The following CTBP2 variants were observed in gnomAD, a reference collection of about 807,000 sequenced individuals.
CTBP2 encodes C-terminal-binding protein 2.
In CTBP2, 30 loss-of-function variants were observed where a neutral mutation model predicts 80.3. That is an observed-to-expected ratio of 0.37 (90% CI 0.28 to 0.51). CTBP2 has a LOEUF of 0.51. CTBP2 is among the 20% of genes least tolerant of loss of function. The pLI is 0.93. For synonymous variants in CTBP2, 594 were observed against 587.4 expected, an observed-to-expected ratio of 1.01 and a Z score of -0.16; for missense variants, 1,212 against 1,375.3, an observed-to-expected ratio of 0.88 and a Z score of 1.88.
intron 1 of CTBP2, among the ~76,000 whole-genome samples, chr10:125,125,618 G>A (rs941385153): frequency 2.0e-5 from 3 of 152,342 alleles, no homozygotes; most frequent in East Asian, 3.9e-4. Flanking sequence ...TCATATGCAT[G>A]TCACATACTC....
chr10:125,007,929 G>C (rs1030048732), intron 1 of CTBP2, among the ~76,000 whole-genome samples: 4 of 151,876 alleles, frequency 2.6e-5, no homozygotes, highest in Non-Finnish European at 5.9e-5. Context: ...TTCTGACATA[G>C]GAGGCAAAGG....
rs763059179 is a variant in CTBP2, at chr10:125,027,235, C to T, written c.525G>A (p.Gln175=). 6.8e-6 allele frequency: 11 copies of T among 1,606,678 alleles called. No homozygotes were observed. The highest frequency in any genetic ancestry group is 9.4e-6 in the Non-Finnish European group (11 of 1,173,718). ...CAGCCCTGCTCTGTGTCTGCCGCCCCTGAGGGATCATTTTACCTCCAGGAT... is the reference window on the plus strand; with the variant it reads ...CAGCCCTGCTCTGTGTCTGCCGCCCTTGAGGGATCATTTTACCTCCAGGAT... The change falls in exon 1 of 9, where the codon CAG becomes CAA. Residue 175 remains glutamine (Q), a synonymous_variant. Transcript: ENST00000309035.
Position 125,026,848 on chromosome 10 carries a change from C to G in CTBP2, c.912G>C (p.Glu304Asp). The G allele has an allele frequency of 1.2e-6, 2 of 1,613,664 alleles. No individual in the cohort carries two copies. Among genetic ancestry groups the G allele is most frequent in the South Asian group, 2.2e-5 (2 of 91,078 alleles). The change falls in exon 1 of 9, where the codon GAG becomes GAC. Residue 304 changes from glutamate to aspartate, a missense_variant. Coordinates refer to ENST00000309035, the MANE Select transcript of CTBP2 (RefSeq NM_022802.3). ...GCTGCAGTAGGGCTCCCAGCGTGGC[C>G]TCTGCCAGCCCCTCCGCCCGCAGAA...
At chr10:125,051,833 T>A (rs1962847326) in intron 2 of CTBP2, among the ~76,000 whole-genome samples, 1 of 152,084 alleles carries the variant, frequency 6.6e-6, no homozygotes, top group African/African-American at 2.4e-5. Flanking sequence ...AAACAGGTCA[T>A]TAGAGTGGAC....
At chr10:125,037,689 C>A (rs576023553) in intron 3 of CTBP2, among the ~76,000 whole-genome samples, 3 of 152,136 alleles carry the variant, frequency 2.0e-5, no homozygotes, top group Non-Finnish European at 4.4e-5. Flanking sequence ...GGAGGAAATG[C>A]GAATATGCAG....
intron 2 of CTBP2, among the ~76,000 whole-genome samples, chr10:125,108,997 T>C (rs1004730606): frequency 1.3e-5 from 2 of 152,238 alleles, no homozygotes; most frequent in Non-Finnish European, 2.9e-5. Flanking sequence ...ACAATTTCAT[T>C]CTGGTTCTGG....
At chr10:125,118,705 C>G (rs1198828886) in intron 1 of CTBP2, among the ~76,000 whole-genome samples, 1 of 10,074 alleles carries the variant, frequency 9.9e-5, no homozygotes, top group Non-Finnish European at 1.7e-4. Context: ...GAGACCAGTG[C>G]AGTGGAGGCG....
chr10:125,088,746 A>G (rs950538412), intron 2 of CTBP2, among the ~76,000 whole-genome samples: 1 of 152,220 alleles, frequency 6.6e-6, no homozygotes, highest in Admixed American at 6.5e-5. Context: ...GTTAACGGGC[A>G]TACAAAAAGA....
chr10:125,041,509 C>G (rs147536929), intron 2 of CTBP2, among the ~76,000 whole-genome samples: 10 of 49,160 alleles, frequency 2.0e-4, no homozygotes, highest in African/African-American at 3.7e-4. Context: ...TCCCCACCCC[C>G]CCCCCCCCCA....
intron 4 of CTBP2, chr10:124,995,936 A>G (rs954706941): frequency 1.3e-5 from 2 of 151,958 alleles, no homozygotes; most frequent in Non-Finnish European, 2.9e-5. Flanking sequence ...GTGCACGAAC[A>G]TGCTTCAATC....
intron 1 of CTBP2, chr10:125,137,859 G>T (rs1857199385): frequency 6.6e-6 from 1 of 152,138 alleles, no homozygotes; most frequent in African/African-American, 2.4e-5. Flanking sequence ...TTCTTATCGA[G>T]GTAAGGCTCA....
chr10:124,994,252 G>A (rs1298466136), intron 5 of CTBP2, among the ~76,000 whole-genome samples: 1 of 152,224 alleles, frequency 6.6e-6, no homozygotes, highest in African/African-American at 2.4e-5. Flanking sequence ...AGCTTCTGAA[G>A]CTGGGTCCTG....
chr10:125,143,736 T>C (rs185774226), intron 1 of CTBP2, among the ~76,000 whole-genome samples: 57 of 152,336 alleles, frequency 3.7e-4, no homozygotes, highest in African/African-American at 1.3e-3. Context: ...TATTTTGTAT[T>C]TAATCTCTAT....
intron 1 of CTBP2, chr10:125,005,397 C>A: frequency 2.8e-6 from 2 of 725,538 alleles, no homozygotes; most frequent in Non-Finnish European, 4.5e-6. Context: ...ACACGTGCAC[C>A]CAGTCACTCC....
intron 2 of CTBP2, among the ~76,000 whole-genome samples, chr10:125,039,584 G>A (rs1273448922): frequency 2.6e-5 from 4 of 152,218 alleles, no homozygotes; most frequent in South Asian, 2.1e-4. Flanking sequence ...GGGGCTCTGC[G>A]AAGGCCTGCT....
In CTBP2 at chr10:125,137,829, C is replaced by T. The variant is rs114568394; in HGVS notation, c.-206+22490G>A. On this transcript the variant is annotated intron_variant, in intron 1 of 10. Coordinates refer to the CTBP2 transcript ENST00000337195. Reference sequence around the variant, plus strand: ...TAATCTTCTAGCAAACAAATCAAATCACACACCAAAACGTTTTTATTCTTA... The same window carrying T: ...TAATCTTCTAGCAAACAAATCAAATTACACACCAAAACGTTTTTATTCTTA... Among the ~76,000 whole-genome samples the T allele has an allele frequency of 5.7e-3, 873 of 152,318 alleles. 11 individuals are homozygous for T. The highest frequency in any genetic ancestry group is 0.02 in the African/African-American group (834 of 41,560).
intron 1 of CTBP2, among the ~76,000 whole-genome samples, chr10:125,124,907 G>C (rs1005440709): frequency 6.6e-6 from 1 of 152,174 alleles, no homozygotes; most frequent in African/African-American, 2.4e-5. Context: ...TCTGAATCAA[G>C]AATGTATTAA....
intron 2 of CTBP2, among the ~76,000 whole-genome samples, chr10:125,063,702 GTGTT>G (rs1844188515): frequency 6.6e-6 from 1 of 152,234 alleles, no homozygotes; most frequent in African/African-American, 2.4e-5. Flanking sequence ...AGTTATTGCT[GTGTT>G]TTCTCTCAGT....
chr10:124,992,245 C>T (rs57523662), intron 8 of CTBP2, among the ~76,000 whole-genome samples: 3,237 of 93,102 alleles, frequency 0.035, 156 homozygotes, highest in African/African-American at 0.11. Flanking sequence ...GGGGTGGGGT[C>T]GGGGGGTAGC....
Sources: gnomAD v4.1 joint callset for allele counts (sites outside exome capture counted in the v4.1 genomes callset) on GRCh38, gnomAD v4.1.1 for gene constraint, MANE v1.5 for transcripts, NCBI Gene and HGNC (gene_info 2026-07-23, HGNC 2026-07-21) for gene names.